ZMAT1: variants seen among roughly 807,000 people sequenced by gnomAD.
The protein encoded by ZMAT1 is zinc finger matrin-type protein 1.
A neutral mutation model predicts 18.5 loss-of-function variants in ZMAT1; 11 were observed. The observed-to-expected ratio is 0.59, with a 90% CI of 0.37 to 0.98. ZMAT1 has a LOEUF of 0.98. Among genes scored for constraint, ZMAT1 ranks in the 50% least tolerant of loss-of-function variants. ZMAT1 has a pLI of 0.01. For synonymous variants in ZMAT1, 211 were observed against 176.4 expected, an observed-to-expected ratio of 1.20 and a Z score of -1.55; for missense variants, 525 against 496.2, an observed-to-expected ratio of 1.06 and a Z score of -0.55.
intron 2 of ZMAT1, among the ~76,000 whole-genome samples, chrX:101,902,233 A>G (rs1342594046): frequency 2.7e-5 from 3 of 111,858 alleles, no homozygotes; most frequent in Non-Finnish European, 5.7e-5. Flanking sequence ...TCACTAGTGA[A>G]GCTGAGTATC....
chrX:101,901,809 AT>A (rs1434256958), intron 2 of ZMAT1, among the ~76,000 whole-genome samples: 3 of 112,186 alleles, frequency 2.7e-5, no homozygotes. Context: ...AAAACTCAGT[AT>A]TTTATTTATG....
intron 2 of ZMAT1, among the ~76,000 whole-genome samples, chrX:101,899,557 T>C (rs751793743): frequency 8.9e-5 from 10 of 112,069 alleles, no homozygotes; most frequent in Admixed American, 1.9e-4. Context: ...ACATACGATG[T>C]TTGATTTTCC....
intron 4 of ZMAT1, chrX:101,892,625 A>G: frequency 3.6e-6 from 1 of 276,484 alleles, no homozygotes; most frequent in Non-Finnish European, 4.9e-6. Context: ...GGTGAAGGTG[A>G]GGCATCTGAG....
chrX:101,893,457 A>T (rs1488805455), intron 4 of ZMAT1, among the ~76,000 whole-genome samples: 2 of 111,858 alleles, frequency 1.8e-5, no homozygotes, highest in African/African-American at 6.5e-5. Context: ...CTAGATAAAA[A>T]CACGTATCTC....
At position 101,884,742 on chromosome X, in the gene ZMAT1, T is replaced by C; in HGVS notation, c.856A>G (p.Asn286Asp). 8.3e-7 allele frequency: 1 copy of C among 1,210,506 alleles called. No individual in the cohort carries two copies. The highest frequency in any genetic ancestry group is 1.1e-6 in the Non-Finnish European group (1 of 894,520). Reference sequence around the variant, plus strand: ...TCTAGTCCTCTGGCTTTCTGCACATTGATGTAATCTGCACACTCATTTTGG... The same window carrying C: ...TCTAGTCCTCTGGCTTTCTGCACATCGATGTAATCTGCACACTCATTTTGG... ...SYQNECADYI[N>D]VQKARGLEAK... Residue 286 changes from asparagine (N) to aspartate (D), a missense_variant, in exon 6 of 6, where the codon AAT becomes GAT. By Grantham distance (23) the Asn-to-Asp change is conservative. Transcript: ENST00000651725.
At chrX:101,899,173 C>T (rs1928047561) in intron 2 of ZMAT1, among the ~76,000 whole-genome samples, 1 of 111,787 alleles carries the variant, frequency 8.9e-6, no homozygotes, top group African/African-American at 3.2e-5. Context: ...GAAATAATCA[C>T]TAACAAATAT....
intron 4 of ZMAT1, chrX:101,892,854 G>C: frequency 2.5e-4 from 76 of 305,513 alleles, no homozygotes; most frequent in Non-Finnish European, 3.1e-4. Flanking sequence ...TGGAGAGGAA[G>C]GCAGACAGAA....
rs773657443 is a variant in ZMAT1, at chrX:101,883,468, T to C, written c.*42A>G. ...CTTTTTCTAAATCCATATTGACTGT[T>C]TTTTTTTTTCAATTCAACCTTGGGT... On this transcript the variant is annotated 3_prime_UTR_variant, in exon 6 of 6. Coordinates refer to ENST00000651725, the MANE Select transcript of ZMAT1 (RefSeq NM_001394560.1). 2.4e-5 allele frequency: 25 copies of C among 1,058,932 alleles called. No homozygotes were observed. The highest frequency in any genetic ancestry group is 6.1e-5 in the Admixed American group (2 of 32,605). The allele number at this position is 1,058,932 out of a possible 1,213,427, so 87.3% of individuals were successfully genotyped here. A position where few individuals can be genotyped will look rare whatever the true frequency, so the allele number is the denominator to read the frequency against.
chrX:101,918,483 C>CACACACAAAA (rs758997318), intron 1 of ZMAT1: 5 of 98,462 alleles, frequency 5.1e-5, no homozygotes, highest in African/African-American at 1.9e-4. Flanking sequence ...CACACACACA[C>CACACACAAAA]AAAAATTAGC....
intron 1 of ZMAT1, among the ~76,000 whole-genome samples, chrX:101,930,244 A>G (rs1244595637): frequency 8.9e-6 from 1 of 112,194 alleles, no homozygotes; most frequent in Non-Finnish European, 1.9e-5. Context: ...TGATGCCTAT[A>G]AAACTGCTCT....
chrX:101,912,978 T>A (rs1265467150), intron 1 of ZMAT1, among the ~76,000 whole-genome samples: 2 of 111,662 alleles, frequency 1.8e-5, no homozygotes, highest in South Asian at 3.7e-4. Context: ...GATTTTTCCT[T>A]TGTTAAACCA....
At chrX:101,917,983 A>G (rs919210921) in intron 1 of ZMAT1, among the ~76,000 whole-genome samples, 15 of 111,937 alleles carry the variant, frequency 1.3e-4, no homozygotes, top group African/African-American at 4.5e-4. Flanking sequence ...CTAAAAATCA[A>G]AACAACTGAA....
chrX:101,884,234 T>C lies in ZMAT1; in HGVS notation c.1364A>G (p.Asp455Gly), dbSNP rs752999967. The change falls in exon 6 of 6, where the codon GAT becomes GGT. Residue 455 changes from aspartate to glycine, a missense_variant. Asp to Gly is a moderately conservative substitution (Grantham distance 94). Transcript: ENST00000651725. The part of the protein sequence containing the change: ...TYDSFQDELE[D>G]YIKVQKARGL... The stretch of plus-strand genomic sequence containing the variant: ...TCTGGCTTTCTGCACTTTTATGTAA[T>C]CTTCAAGTTCATCTTGGAAAGAATC... The C allele has an allele frequency of 1.7e-6, 2 of 1,209,429 alleles. No individual in the cohort carries two copies. Among genetic ancestry groups the C allele is most frequent in the Admixed American group, 2.2e-5 (1 of 45,671 alleles).
intron 1 of ZMAT1, among the ~76,000 whole-genome samples, chrX:101,923,799 T>G (rs1163635485): frequency 8.9e-6 from 1 of 111,892 alleles, no homozygotes; most frequent in Non-Finnish European, 1.9e-5. Context: ...TGTACAAAAT[T>G]CATGGCAGAT....
chrX:101,913,879 C>A (rs890030630), intron 1 of ZMAT1, among the ~76,000 whole-genome samples: 1 of 111,683 alleles, frequency 9.0e-6, no homozygotes, highest in Non-Finnish European at 1.9e-5. Flanking sequence ...ATGCAACAAC[C>A]GCAGAATACA....
At chrX:101,913,693 G>A (rs189084639) in intron 1 of ZMAT1, among the ~76,000 whole-genome samples, 4,618 of 111,245 alleles carry the variant, frequency 0.042, 194 homozygotes, top group African/African-American at 0.13. Flanking sequence ...GATATATAAA[G>A]GAAATATTAC....
At chrX:101,898,390 T>C (rs139032303) in intron 2 of ZMAT1, among the ~76,000 whole-genome samples, 170 bp from the exon 3 acceptor site, 8,478 of 111,915 alleles carry the variant, frequency 0.076, 264 homozygotes, top group African/African-American at 0.081. Context: ...AAAATAATGC[T>C]AAATTTAGAA....
chrX:101,898,114 C>T lies in ZMAT1; in HGVS notation c.501+5G>A. On this transcript the variant is annotated splice_donor_5th_base_variant and intron_variant, in intron 3 of 5. Coordinates refer to ENST00000651725, the MANE Select transcript of ZMAT1 (RefSeq NM_001394560.1). The stretch of plus-strand genomic sequence containing the variant: ...TGGATTACAATACCAACACACATCA[C>T]TCACCTGAAAATTCTCAACATGCAT... 1 of 1,209,590 alleles carries T rather than the reference C, an allele frequency of 8.3e-7. No individual in the cohort carries two copies. Among genetic ancestry groups the T allele is most frequent in the Non-Finnish European group, 1.1e-6 (1 of 893,522 alleles).
intron 1 of ZMAT1, among the ~76,000 whole-genome samples, chrX:101,914,065 A>T (rs970577495): frequency 1.8e-5 from 2 of 111,656 alleles, no homozygotes; most frequent in African/African-American, 6.5e-5. Context: ...AAATACATGG[A>T]AATTAAACAA....
Sources: allele counts gnomAD v4.1 joint callset (sites outside exome capture counted in the v4.1 genomes callset), GRCh38; gene constraint gnomAD v4.1.1; transcripts MANE v1.5; gene names NCBI Gene and HGNC (gene_info 2026-07-23, HGNC 2026-07-21).